SGCD: variants seen among roughly 807,000 people sequenced by gnomAD.
SGCD encodes the protein delta-sarcoglycan.
In SGCD, 18 loss-of-function variants were observed where a neutral mutation model predicts 36.6. That is an observed-to-expected ratio of 0.49 (90% CI 0.34 to 0.73). SGCD has a LOEUF of 0.73. Among genes scored for constraint, SGCD ranks in the 30% least tolerant of loss-of-function variants. SGCD has a pLI of 0.01. For synonymous variants in SGCD, 133 were observed against 130.6 expected, an observed-to-expected ratio of 1.02 and a Z score of -0.12; for missense variants, 387 against 346.7, an observed-to-expected ratio of 1.12 and a Z score of -0.92.
Position 156,397,129 on chromosome 5 carries a change from A to G in SGCD, c.192+52452A>G, listed in dbSNP as rs560519556. On this transcript the variant is annotated intron_variant, in intron 3 of 8. Transcript: ENST00000337851. Reference sequence around the variant, plus strand: ...ACCTGAGCAGGCTGGCATTTGGGTTATATATTCAGTATCTGGACTTTGTGT... The same window carrying G: ...ACCTGAGCAGGCTGGCATTTGGGTTGTATATTCAGTATCTGGACTTTGTGT... Among the ~76,000 whole-genome samples, 9 of 152,334 alleles carry G rather than the reference A, an allele frequency of 5.9e-5. No homozygotes were observed. In the East Asian group the frequency reaches 1.3e-3, roughly 23 times the overall value.
chr5:156,277,497 A>C (rs960171363), intron 3 of SGCD, among the ~76,000 whole-genome samples: 1 of 152,190 alleles, frequency 6.6e-6, no homozygotes, highest in African/African-American at 2.4e-5. Flanking sequence ...CCTTTGCAGG[A>C]TTTGCTGTAG....
At chr5:155,820,747 C>G in the SGCD span, among the ~76,000 whole-genome samples, 1 of 152,010 alleles carries the variant, frequency 6.6e-6, no homozygotes, top group African/African-American at 2.4e-5. Flanking sequence ...CGCTTTGTGA[C>G]TTATTAACTG....
chr5:156,474,273 T>C (rs1755088947), intron 3 of SGCD, among the ~76,000 whole-genome samples: 1 of 152,180 alleles, frequency 6.6e-6, no homozygotes, highest in Non-Finnish European at 1.5e-5. Flanking sequence ...GGATAGTCTT[T>C]TTGGAATTTA....
Position 156,184,371 on chromosome 5 carries a change from G to GTTTTTT in SGCD, c.-44+60361_-44+60366dup, listed in dbSNP as rs3036754. ...TATGAGGAAGGCTGACAAGCAGCCA[G>GTTTTTT]TTTTTTTTTTTTTTCATTGTAAGCC... On this transcript the variant is annotated intron_variant, in intron 3 of 9. Coordinates refer to the SGCD transcript ENST00000517913. 5.0e-3 allele frequency among the ~76,000 whole-genome samples: 711 copies of GTTTTTT among 141,424 alleles called. 7 individuals are homozygous for GTTTTTT. Among genetic ancestry groups the GTTTTTT allele is most frequent in the East Asian group, 6.7e-3 (32 of 4,804 alleles). 92.8% of individuals were successfully genotyped at this position (141,424 alleles called of 152,430 possible).
intron 3 of SGCD, among the ~76,000 whole-genome samples, chr5:156,394,409 T>C (rs1221143380): frequency 1.3e-5 from 2 of 152,010 alleles, no homozygotes; most frequent in African/African-American, 2.4e-5. Context: ...GAAAACCAAT[T>C]TGGGAATTAA....
intron 3 of SGCD, among the ~76,000 whole-genome samples, chr5:156,257,593 G>T (rs1425317481): frequency 6.6e-6 from 1 of 152,182 alleles, no homozygotes; most frequent in African/African-American, 2.4e-5. Context: ...GTCGGGCGCG[G>T]TGGCTCATGC....
At chr5:156,102,554 A>G (rs563756916) in intron 1 of SGCD, among the ~76,000 whole-genome samples, 14 of 152,248 alleles carry the variant, frequency 9.2e-5, no homozygotes, top group Non-Finnish European at 1.5e-4. Context: ...ATGTTGGTTG[A>G]CTCAAGCAGC....
intron 7 of SGCD, among the ~76,000 whole-genome samples, chr5:156,727,089 C>T (rs1048015559): frequency 6.6e-5 from 10 of 152,128 alleles, no homozygotes; most frequent in Non-Finnish European, 1.3e-4. Flanking sequence ...ACTGCACCTG[C>T]GGTTTTGCAG....
chr5:155,739,307 A>G, the SGCD span, among the ~76,000 whole-genome samples: 1 of 152,222 alleles, frequency 6.6e-6, no homozygotes, highest in African/African-American at 2.4e-5. Context: ...TCCATGCAGC[A>G]GGAAAAGCAA....
chr5:156,443,806 C>T (rs951512502), intron 3 of SGCD, among the ~76,000 whole-genome samples: 1 of 152,056 alleles, frequency 6.6e-6, no homozygotes, highest in Non-Finnish European at 1.5e-5. Flanking sequence ...GCCAGTGTTC[C>T]ACTGGATCCA....
chr5:156,303,374 T>C (rs1200731292), intron 3 of SGCD, among the ~76,000 whole-genome samples: 2 of 152,044 alleles, frequency 1.3e-5, no homozygotes, highest in East Asian at 1.9e-4. Flanking sequence ...CTTCAAGGAA[T>C]TGGGTTCACC....
chr5:156,647,194 T>A (rs1350169431), intron 6 of SGCD, among the ~76,000 whole-genome samples: 1 of 152,186 alleles, frequency 6.6e-6, no homozygotes. Context: ...AGGCATCTTT[T>A]CCTTTCTGAA....
At chr5:156,699,381 A>G (rs940105209) in intron 7 of SGCD, among the ~76,000 whole-genome samples, 1 of 152,198 alleles carries the variant, frequency 6.6e-6, no homozygotes, top group African/African-American at 2.4e-5. Flanking sequence ...ACTTAACAAC[A>G]CAAAATCAAA....
In SGCD at chr5:156,753,318, G is replaced by A. The variant is rs284432; in HGVS notation, c.576-4263G>A. On this transcript the variant is annotated intron_variant, in intron 7 of 8. Transcript: ENST00000337851. ...CTCTTCTTTCTCCTCTGAGAGGGTT[G>A]CAGTTTCTCCTAATGGAAGTAGTGT... 4.0e-3 allele frequency among the ~76,000 whole-genome samples: 610 copies of A among 152,262 alleles called. 17 individuals carry two copies. In the East Asian group the frequency reaches 0.077, roughly 19 times the overall value.
rs1181502125 is a variant in SGCD, at chr5:155,885,437, G to A, written c.-282+15013G>A. Among the ~76,000 whole-genome samples, 4 of 96,526 alleles carry A rather than the reference G, an allele frequency of 4.1e-5. 2 individuals carry two copies. The highest frequency in any genetic ancestry group is 7.6e-5 in the Non-Finnish European group (4 of 52,738). 63.3% of individuals were successfully genotyped at this position (96,526 alleles called of 152,430 possible). ...ACAGCTTATTGAGTTAGGAGGTGCAGCATTACGTCTATGTATCATCAAAGT... is the reference window on the plus strand; with the variant it reads ...ACAGCTTATTGAGTTAGGAGGTGCAACATTACGTCTATGTATCATCAAAGT... On this transcript the variant is annotated intron_variant, in intron 1 of 9. Coordinates refer to the SGCD transcript ENST00000517913.
chr5:156,750,976 C>T (rs1176699945), intron 7 of SGCD, among the ~76,000 whole-genome samples: 1 of 152,150 alleles, frequency 6.6e-6, no homozygotes, highest in Non-Finnish European at 1.5e-5. Context: ...GAATTTGAAT[C>T]CCATCCAAAT....
intron 1 of SGCD, among the ~76,000 whole-genome samples, chr5:155,958,516 G>T (rs1183708366): frequency 6.6e-5 from 10 of 152,178 alleles, no homozygotes; most frequent in African/African-American, 9.6e-5. Context: ...ACCAGATTTT[G>T]TGTTCCATGA....
Position 156,061,870 on chromosome 5 carries a change from T to C in SGCD, c.-281-56008T>C, listed in dbSNP as rs1051177097. 2.1e-5 allele frequency among the ~76,000 whole-genome samples: 3 copies of C among 143,552 alleles called. 1 individual carries two copies. The highest frequency in any genetic ancestry group is 7.0e-5 in the Admixed American group (1 of 14,316). 94.2% of individuals were successfully genotyped at this position (143,552 alleles called of 152,430 possible). A position where few individuals can be genotyped will look rare whatever the true frequency, so the allele number is the denominator to read the frequency against. On this transcript the variant is annotated intron_variant, in intron 1 of 9. Coordinates refer to the SGCD transcript ENST00000517913. ...TATATGTCTTTGAATAATTCAGTCA[T>C]TGAGATTGGCAGGTAAAAGATATTT...
intron 4 of SGCD, among the ~76,000 whole-genome samples, chr5:156,576,248 G>A (rs1015344916): frequency 5.9e-5 from 9 of 152,126 alleles, no homozygotes; most frequent in East Asian, 1.9e-4. Context: ...TGCAAAGGAC[G>A]TGAACTCATT....
Sources: allele counts gnomAD v4.1 joint callset (sites outside exome capture counted in the v4.1 genomes callset), GRCh38; gene constraint gnomAD v4.1.1; transcripts MANE v1.5; gene names NCBI Gene and HGNC (gene_info 2026-07-23, HGNC 2026-07-21).